Variants in DPF3 observed in about 807,000 individuals in gnomAD.
DPF3 encodes the protein double PHD fingers 3.
Under a neutral mutation model 56.8 loss-of-function variants are expected in DPF3, and 18 were observed. The observed-to-expected ratio is 0.32, with a 90% CI of 0.22 to 0.47. The LOEUF is 0.47. Ranked by LOEUF, DPF3 falls within the 20% of genes least tolerant of loss-of-function variation. DPF3 has a pLI of 1.00. For missense variants in DPF3, 403 were observed against 488.8 expected, an observed-to-expected ratio of 0.82 and a Z score of 1.65; for synonymous variants, 188 against 180.2, an observed-to-expected ratio of 1.04 and a Z score of -0.35.
At chr14:72,710,111 C>A (rs535459589) in intron 6 of DPF3, among the ~76,000 whole-genome samples, 1 of 152,302 alleles carries the variant, frequency 6.6e-6, no homozygotes, top group African/African-American at 2.4e-5. Flanking sequence ...CATCAGGAGT[C>A]TGCTCCAATG....
chr14:72,746,524 G>A (rs759138781), intron 3 of DPF3, among the ~76,000 whole-genome samples: 9 of 152,164 alleles, frequency 5.9e-5, no homozygotes, highest in Non-Finnish European at 1.3e-4. Context: ...TACCCAAAGA[G>A]GGGAACAAGT....
chr14:72,744,050 T>C (rs1890232658), intron 3 of DPF3, among the ~76,000 whole-genome samples: 1 of 152,190 alleles, frequency 6.6e-6, no homozygotes, highest in Non-Finnish European at 1.5e-5. Flanking sequence ...AACACATAGG[T>C]CCAGGGACAC....
At chr14:72,685,362 C>A (rs972755507) in intron 7 of DPF3, among the ~76,000 whole-genome samples, 2 of 152,204 alleles carry the variant, frequency 1.3e-5, no homozygotes, top group African/African-American at 2.4e-5. Flanking sequence ...CCTCTCTGAG[C>A]CTCAGTTTCC....
At chr14:72,857,492 A>ACTG (rs1167368415) in intron 1 of DPF3, among the ~76,000 whole-genome samples, 5 of 152,212 alleles carry the variant, frequency 3.3e-5, no homozygotes, top group African/African-American at 1.2e-4. Flanking sequence ...TACTATTACT[A>ACTG]CTGCTGCTGC....
chr14:72,810,421 T>G (rs924704350), intron 1 of DPF3, among the ~76,000 whole-genome samples: 1 of 152,126 alleles, frequency 6.6e-6, no homozygotes, highest in Admixed American at 6.5e-5. Flanking sequence ...GGGTGTGTTC[T>G]AATACGTCAG....
intron 8 of DPF3, among the ~76,000 whole-genome samples, chr14:72,669,650 C>T (rs1191606152): frequency 6.6e-6 from 1 of 152,116 alleles, no homozygotes; most frequent in Non-Finnish European, 1.5e-5. Context: ...CAAGCACTTC[C>T]CCAGCCATTT....
At chr14:72,781,960 T>A (rs1891993652) in intron 1 of DPF3, among the ~76,000 whole-genome samples, 1 of 152,164 alleles carries the variant, frequency 6.6e-6, no homozygotes, top group Admixed American at 6.5e-5. Context: ...AAAATATTTT[T>A]AGTTTCCTGG....
intron 1 of DPF3, among the ~76,000 whole-genome samples, chr14:72,798,735 C>T (rs1009266572): frequency 2.6e-5 from 4 of 152,182 alleles, no homozygotes; most frequent in African/African-American, 9.7e-5. Flanking sequence ...ATGGCTCTTC[C>T]ACAACCTCAG....
intron 1 of DPF3, among the ~76,000 whole-genome samples, chr14:72,848,407 C>T (rs888723925): frequency 3.3e-5 from 5 of 152,112 alleles, no homozygotes; most frequent in East Asian, 3.9e-4. Context: ...TCATGTGATC[C>T]GCCCGCCTTG....
chr14:72,817,247 C>T (rs1883328991), intron 1 of DPF3, among the ~76,000 whole-genome samples: 5 of 152,148 alleles, frequency 3.3e-5, no homozygotes, highest in Admixed American at 3.3e-4. Context: ...ACTTTTATGT[C>T]CCCACTATAT....
chr14:72,693,077 CCTGTGGTTCTCATTT>C lies in DPF3; in HGVS notation c.726_740del (p.Asn243_Arg247del), dbSNP rs766509156. On this transcript the variant is annotated inframe_deletion and splice_region_variant, in exon 7 of 11. Transcript: ENST00000556509. Reference sequence around the variant, plus strand: ...CCAACCTAACAAGTAGGCACTCACGCCTGTGGTTCTCATTTCTGTGGTTGGGTGGGGACCGAGTCT... The same window carrying C: ...CCAACCTAACAAGTAGGCACTCACGCCTGTGGTTGGGTGGGGACCGAGTCT... The C allele has an allele frequency of 6.2e-7, 1 of 1,614,018 alleles. No individual in the cohort carries two copies.
intron 2 of DPF3, among the ~76,000 whole-genome samples, chr14:72,754,788 G>C (rs1349564952): frequency 3.3e-5 from 5 of 152,068 alleles, no homozygotes; most frequent in Admixed American, 6.5e-5. Flanking sequence ...CCATTTATTG[G>C]GATGGGGCCA....
rs11348282 is a variant in DPF3 at position 72,648,569 on chromosome 14, GAAAAAAAA to G, written c.872-18841_872-18834del. ...CAGAGTGAGACTCTGTCTCAAAAAA[GAAAAAAAA>G]AAAAAAAAAAGAATAAAACGATCGC... On this transcript the variant is annotated intron_variant, in intron 8 of 10. Coordinates refer to ENST00000556509, the MANE Select transcript of DPF3 (RefSeq NM_001280542.3). Among the ~76,000 whole-genome samples, 12 of 92,940 alleles carry G rather than the reference GAAAAAAAA, an allele frequency of 1.3e-4. No homozygotes were observed. In the East Asian group the frequency reaches 1.8e-3, roughly 14 times the overall value. The allele number at this position is 92,940 out of a possible 152,430, so 61.0% of individuals were successfully genotyped here. A position where few individuals can be genotyped will look rare whatever the true frequency, so the allele number is the denominator to read the frequency against.
At chr14:72,805,051 G>GACACACACACACACACACACACACAC (rs138162317) in intron 1 of DPF3, among the ~76,000 whole-genome samples, 2,766 of 146,398 alleles carry the variant, frequency 0.019, 69 homozygotes, top group East Asian at 0.1. Context: ...CACAGCCCTG[G>GACACACACACACACACACACACACAC]ACACACACAC....
intron 1 of DPF3, among the ~76,000 whole-genome samples, chr14:72,774,921 C>G (rs1464283932): frequency 6.6e-6 from 1 of 152,174 alleles, no homozygotes; most frequent in Non-Finnish European, 1.5e-5. Flanking sequence ...TTGTGTCACA[C>G]CAGCTTAAAT....
intron 1 of DPF3, among the ~76,000 whole-genome samples, chr14:72,804,329 A>T (rs1893005497): frequency 6.6e-6 from 1 of 152,112 alleles, no homozygotes; most frequent in Admixed American, 6.6e-5. Context: ...CAATAGGTAC[A>T]TTATGCCAAC....
At chr14:72,884,544 G>A (rs1335745047) in intron 1 of DPF3, among the ~76,000 whole-genome samples, 1 of 152,004 alleles carries the variant, frequency 6.6e-6, no homozygotes, top group African/African-American at 2.4e-5. Context: ...AGCCAGGCTG[G>A]AGGAAGGGGA....
chr14:72,739,072 T>C (rs2139871234), intron 3 of DPF3, among the ~76,000 whole-genome samples: 1 of 152,076 alleles, frequency 6.6e-6, no homozygotes, highest in South Asian at 2.1e-4. Flanking sequence ...AAATCCCATT[T>C]CTACCAAAAA....
intron 7 of DPF3, among the ~76,000 whole-genome samples, chr14:72,678,026 C>T (rs748672150): frequency 9.9e-5 from 15 of 152,224 alleles, no homozygotes; most frequent in Non-Finnish European, 1.2e-4. Context: ...AAAACTGTGG[C>T]AAATCTTTTG....
Sources: allele counts gnomAD v4.1 joint callset (sites outside exome capture counted in the v4.1 genomes callset), GRCh38; gene constraint gnomAD v4.1.1; transcripts MANE v1.5; gene names NCBI Gene and HGNC (gene_info 2026-07-23, HGNC 2026-07-21).